OTUD3: variants seen among roughly 807,000 people sequenced by gnomAD.
The protein encoded by OTUD3 is OTU domain-containing protein 3.
Under a neutral mutation model 46.2 loss-of-function variants are expected in OTUD3, and 24 were observed. That is an observed-to-expected ratio of 0.52 (90% CI 0.38 to 0.73). The LOEUF (loss-of-function observed/expected upper bound fraction) is 0.73, where lower values mean the gene tolerates loss of function less well. OTUD3 is among the 30% of genes least tolerant of loss of function. The pLI, the probability that OTUD3 is intolerant of heterozygous loss-of-function variation, is 0.00. For missense variants in OTUD3, 455 were observed against 523.3 expected (o/e 0.87, Z 1.27); for synonymous variants, 189 against 195.4 (o/e 0.97, Z 0.27).
chr1:19,911,286 T>G lies in OTUD3; in HGVS notation c.*3540T>G, dbSNP rs2045730465. 6.6e-6 allele frequency: 1 copy of G among 152,368 alleles called. No individual in the cohort carries two copies. The highest frequency in any genetic ancestry group is 1.5e-5 in the Non-Finnish European group (1 of 68,044). 9.4% of individuals were successfully genotyped at this position (152,368 alleles called of 1,614,324 possible). ...TTTGCCATTCTCATTATTCACAGCTTTCAGAACAAGTGTTGCTAAAACTCC... is the reference window on the plus strand; with the variant it reads ...TTTGCCATTCTCATTATTCACAGCTGTCAGAACAAGTGTTGCTAAAACTCC... On this transcript the variant is annotated 3_prime_UTR_variant, in exon 8 of 8. Coordinates refer to ENST00000375120, the MANE Select transcript of OTUD3 (RefSeq NM_015207.2).
At position 19,908,576 on chromosome 1, in the gene OTUD3, T is replaced by C. The variant is rs2045694703; in HGVS notation, c.*830T>C. The C allele has an allele frequency of 6.6e-6, 1 of 152,174 alleles. No individual in the cohort carries two copies. Among genetic ancestry groups the C allele is most frequent in the African/African-American group, 2.4e-5 (1 of 41,386 alleles). The allele number at this position is 152,174 out of a possible 1,614,324, so 9.4% of individuals were successfully genotyped here. A position where few individuals can be genotyped will look rare whatever the true frequency, so the allele number is the denominator to read the frequency against. ...ATAGTGTGTAGAGCAGGGTCTATAG[T>C]TGTAACAGGAGACGAACTCCTGGGG... On this transcript the variant is annotated 3_prime_UTR_variant, in exon 8 of 8. Transcript: ENST00000375120.
At chr1:19,905,064 A>G in intron 6 of OTUD3, 77 bp downstream of exon 6, 4 of 822,740 alleles carry the variant, frequency 4.9e-6, no homozygotes, top group Non-Finnish European at 8.1e-6. Context: ...TTTTTAACCA[A>G]GTCACAGGTG....
chr1:19,902,542 T>C (rs2045605146), intron 4 of OTUD3, among the ~76,000 whole-genome samples: 1 of 152,228 alleles, frequency 6.6e-6, no homozygotes, highest in South Asian at 2.1e-4. Flanking sequence ...TCTTAATAGC[T>C]AATGACATTG....
chr1:19,883,879 C>T (rs1431288358), intron 1 of OTUD3, among the ~76,000 whole-genome samples: 1 of 152,198 alleles, frequency 6.6e-6, no homozygotes, highest in African/African-American at 2.4e-5. Flanking sequence ...GTCCTAATTT[C>T]CCTTTCCCAC....
At position 19,906,558 on chromosome 1, in the gene OTUD3, A is replaced by G. The variant is rs2298110; in HGVS notation, c.962A>G (p.Asn321Ser). ...TTAAATGAAGGCAGGACCGAAAACA[A>G]TAAGGCACAGGCCAGCCCTAGTGAA... The part of the protein sequence containing the change: ...QGLNEGRTEN[N>S]KAQASPSEEN... Residue 321 changes from asparagine (N) to serine (S), a missense_variant, in exon 7 of 8, where the codon AAT becomes AGT. Asn to Ser is a conservative substitution (Grantham distance 46). Coordinates refer to ENST00000375120, the MANE Select transcript of OTUD3 (RefSeq NM_015207.2). 0.025 allele frequency: 41,099 copies of G among 1,613,578 alleles called. 1,316 individuals are homozygous for G. Among genetic ancestry groups the G allele is most frequent in the Admixed American group, 0.15 (9,097 of 59,958 alleles).
intron 2 of OTUD3, among the ~76,000 whole-genome samples, chr1:19,892,074 G>C (rs534054202): frequency 6.6e-6 from 1 of 152,114 alleles, no homozygotes; most frequent in African/African-American, 2.4e-5. Flanking sequence ...GTGGATTTTG[G>C]GGTGTTACAG....
At chr1:19,901,458 TAATAAC>T (rs1159856704) in intron 4 of OTUD3, among the ~76,000 whole-genome samples, 1 of 152,248 alleles carries the variant, frequency 6.6e-6, no homozygotes, top group African/African-American at 2.4e-5. Context: ...TGAGAGCTGT[TAATAAC>T]AAGATGTTAA....
intron 1 of OTUD3, among the ~76,000 whole-genome samples, chr1:19,887,927 G>A (rs12133340): frequency 0.032 from 4,806 of 152,196 alleles, 113 homozygotes; most frequent in Non-Finnish European, 0.048. Flanking sequence ...TTTTTGGTGC[G>A]TGTGTTGCAA....
intron 4 of OTUD3, among the ~76,000 whole-genome samples, chr1:19,903,040 CTTTTTTTTTTTTTT>C (rs36114504): frequency 4.3e-4 from 25 of 58,074 alleles, no homozygotes; most frequent in Middle Eastern, 0.026. Context: ...AATCTTTTCT[CTTTTTTTTTTTTTT>C]TTTTTTTTTT....
At chr1:19,892,483 T>A (rs919125443) in intron 2 of OTUD3, among the ~76,000 whole-genome samples, 3 of 152,198 alleles carry the variant, frequency 2.0e-5, no homozygotes, top group Non-Finnish European at 2.9e-5. Context: ...ACTATACTAT[T>A]AAGGACCTGG....
intron 2 of OTUD3, among the ~76,000 whole-genome samples, chr1:19,892,416 G>T (rs1165321468): frequency 6.6e-6 from 1 of 152,066 alleles, no homozygotes; most frequent in Non-Finnish European, 1.5e-5. Flanking sequence ...TTTGTTTTGC[G>T]GTGTGGCAGT....
At chr1:19,887,813 A>G (rs951063866) in intron 1 of OTUD3, among the ~76,000 whole-genome samples, 1 of 152,238 alleles carries the variant, frequency 6.6e-6, no homozygotes, top group Admixed American at 6.5e-5. Flanking sequence ...TACAGTAACT[A>G]GAATGGTACC....
At position 19,910,046 on chromosome 1, in the gene OTUD3, C is replaced by A. The variant is rs1283683360; in HGVS notation, c.*2300C>A. On this transcript the variant is annotated 3_prime_UTR_variant, in exon 8 of 8. Coordinates refer to ENST00000375120, the MANE Select transcript of OTUD3 (RefSeq NM_015207.2). ...ATGGTTTCAATTTAGACTTCACTGCCTCAGTCTCACTGGGTACATGAGAAG... is the reference window on the plus strand; with the variant it reads ...ATGGTTTCAATTTAGACTTCACTGCATCAGTCTCACTGGGTACATGAGAAG... 6.6e-6 allele frequency: 1 copy of A among 152,328 alleles called. No individual in the cohort carries two copies. Among genetic ancestry groups the A allele is most frequent in the African/African-American group, 2.4e-5 (1 of 41,438 alleles). The allele number at this position is 152,328 out of a possible 1,614,324, so 9.4% of individuals were successfully genotyped here. A position where few individuals can be genotyped will look rare whatever the true frequency, so the allele number is the denominator to read the frequency against.
chr1:19,904,424 G>T, intron 5 of OTUD3, 26 bp downstream of exon 5: 2 of 1,597,948 alleles, frequency 1.3e-6, no homozygotes, highest in South Asian at 2.3e-5. Flanking sequence ...TTGCAGGAAT[G>T]ATTTAGAAGC....
At chr1:19,889,344 A>G (rs976502150) in intron 1 of OTUD3, among the ~76,000 whole-genome samples, 3 of 152,044 alleles carry the variant, frequency 2.0e-5, no homozygotes, top group Non-Finnish European at 2.9e-5. Context: ...CAGCCTTTCT[A>G]TAGCTTTCTG....
chr1:19,900,916 G>GTTTTTTTTTTTTTTTTT (rs990933093), intron 4 of OTUD3, among the ~76,000 whole-genome samples: 3 of 115,666 alleles, frequency 2.6e-5, no homozygotes, highest in African/African-American at 6.7e-5. Flanking sequence ...TTTTTTTTTT[G>GTTTTTTTTTTTTTTTTT]TTTTTTTTTT....
At chr1:19,906,638 G>T in intron 7 of OTUD3, 22 bp downstream of exon 7, 1 of 1,581,910 alleles carries the variant, frequency 6.3e-7, no homozygotes, top group South Asian at 1.1e-5. Context: ...GGGGTTGAAT[G>T]GGCAGGTGGT....
chr1:19,909,850 A>T lies in OTUD3; in HGVS notation c.*2104A>T, dbSNP rs1445466738. On this transcript the variant is annotated 3_prime_UTR_variant, in exon 8 of 8. Coordinates refer to ENST00000375120, the MANE Select transcript of OTUD3 (RefSeq NM_015207.2). ...TTTTTTAAATTACCTAATTCTGGTA[A>T]TAGGCTTCAGCATTTCTGGAGTATA... 6.6e-6 allele frequency: 1 copy of T among 152,344 alleles called. No homozygotes were observed. Among genetic ancestry groups the T allele is most frequent in the African/African-American group, 2.4e-5 (1 of 41,454 alleles). 9.4% of individuals were successfully genotyped at this position (152,344 alleles called of 1,614,324 possible). A position where few individuals can be genotyped will look rare whatever the true frequency, so the allele number is the denominator to read the frequency against.
intron 1 of OTUD3, among the ~76,000 whole-genome samples, chr1:19,888,590 G>A (rs2045403986): frequency 6.6e-6 from 1 of 152,068 alleles, no homozygotes; most frequent in Non-Finnish European, 1.5e-5. Flanking sequence ...CTATCATTTT[G>A]GTGTTGACAT....
Sources: gnomAD v4.1 joint callset for allele counts (sites outside exome capture counted in the v4.1 genomes callset) on GRCh38, gnomAD v4.1.1 for gene constraint, MANE v1.5 for transcripts, NCBI Gene and HGNC (gene_info 2026-07-23, HGNC 2026-07-21) for gene names.